The following OTUD7A variants were observed in gnomAD, a reference collection of about 807,000 sequenced individuals.
OTUD7A encodes the protein OTU domain-containing protein 7A.
A neutral mutation model predicts 65.7 loss-of-function variants in OTUD7A; 12 were observed. The observed-to-expected ratio is 0.18, with a 90% CI of 0.12 to 0.30. The LOEUF is 0.30. Among genes scored for constraint, OTUD7A ranks in the 10% least tolerant of loss-of-function variants. The pLI, the probability that OTUD7A is intolerant of heterozygous loss-of-function variation, is 1.00. For missense variants in OTUD7A, 1,148 were observed against 1,304.8 expected (o/e 0.88, Z 1.85); for synonymous variants, 641 against 586.3 (o/e 1.09, Z -1.35).
rs575754303 is a variant in OTUD7A at position 31,610,971 on chromosome 15, G to C, written c.152-40774C>G. ...TTAAGCACTCTGTCAGACCACCCTGGAATCAAACTGGAAATCAACTCCAAA... is the reference window on the plus strand; with the variant it reads ...TTAAGCACTCTGTCAGACCACCCTGCAATCAAACTGGAAATCAACTCCAAA... On this transcript the variant is annotated intron_variant, in intron 3 of 12. Coordinates refer to ENST00000307050, the MANE Select transcript of OTUD7A (RefSeq NM_001382637.1). Among the ~76,000 whole-genome samples the C allele has an allele frequency of 1.1e-4, 16 of 151,888 alleles. No homozygotes were observed. In the South Asian group the frequency reaches 3.3e-3, roughly 32 times the overall value.
At chr15:31,810,777 C>A (rs1896395405) in intron 1 of OTUD7A, among the ~76,000 whole-genome samples, 1 of 152,210 alleles carries the variant, frequency 6.6e-6, no homozygotes, top group African/African-American at 2.4e-5. Context: ...CTGTTGGAGG[C>A]TAGGCACTAC....
At chr15:31,505,758 T>C (rs2041552016) in intron 8 of OTUD7A, among the ~76,000 whole-genome samples, 1 of 151,636 alleles carries the variant, frequency 6.6e-6, no homozygotes, top group East Asian at 1.9e-4. Context: ...ATTTTTTTTT[T>C]TTTTTTTTTG....
At chr15:31,657,649 C>T (rs1182347450) in intron 1 of OTUD7A, among the ~76,000 whole-genome samples, 5 of 152,084 alleles carry the variant, frequency 3.3e-5, no homozygotes, top group African/African-American at 4.8e-5. Context: ...GCGTGAGCCA[C>T]CACACCCAGC....
intron 3 of OTUD7A, among the ~76,000 whole-genome samples, chr15:31,643,474 T>C (rs1318676549): frequency 6.6e-6 from 1 of 152,254 alleles, no homozygotes; most frequent in Non-Finnish European, 1.5e-5. Context: ...CAACTCAGGC[T>C]TTAAAAAGTA....
rs766031265 is a variant in OTUD7A, at chr15:31,585,359, G to A, written c.152-15162C>T. Among the ~76,000 whole-genome samples, 49 of 152,196 alleles carry A rather than the reference G, an allele frequency of 3.2e-4. 1 individual carries two copies. The highest frequency in any genetic ancestry group is 4.9e-4 in the Non-Finnish European group (33 of 68,034). ...GTGGAAGGCAGCAGGAGAAGTCTTCGAATACTGAGGTTAGCTGCGAGCAGA... is the reference window on the plus strand; with the variant it reads ...GTGGAAGGCAGCAGGAGAAGTCTTCAAATACTGAGGTTAGCTGCGAGCAGA... On this transcript the variant is annotated intron_variant, in intron 3 of 12. Transcript: ENST00000307050.
chr15:31,670,733 T>C (rs1892460007), intron 1 of OTUD7A, among the ~76,000 whole-genome samples: 1 of 152,204 alleles, frequency 6.6e-6, no homozygotes, highest in East Asian at 1.9e-4. Context: ...GGCTCACGCC[T>C]GTAATCCCAG....
chr15:31,680,437 T>G (rs1892686009), intron 1 of OTUD7A, among the ~76,000 whole-genome samples: 2 of 152,346 alleles, frequency 1.3e-5, no homozygotes, highest in South Asian at 4.1e-4. Flanking sequence ...GTACCTGGAC[T>G]ACATTACAGG....
chr15:31,526,453 C>A lies in OTUD7A; in HGVS notation c.789G>T (p.Leu263=). 6.3e-7 allele frequency: 1 copy of A among 1,595,310 alleles called. No homozygotes were observed. The highest frequency in any genetic ancestry group is 8.5e-7 in the Non-Finnish European group (1 of 1,176,150). The change falls in exon 8 of 13, where the codon CTG becomes CTT. Residue 263 remains leucine, a synonymous_variant. Transcript: ENST00000307050. ...GCTCCCACTCCTCCTCTGTGTACAC[C>A]AGCCCTGACTGGCAGAGGGGAGCCG... ...QQTQQNKESG[L]VYTEEEWERE...
chr15:31,721,564 A>G lies in OTUD7A; in HGVS notation c.-99-64487T>C, dbSNP rs1267436818. ...AGTTAGCCTTTTCAAGCATTTTTAA[A>G]GAATGAGTTGAAAATCAAGTAAAAA... On this transcript the variant is annotated intron_variant, in intron 1 of 12. Coordinates refer to ENST00000307050, the MANE Select transcript of OTUD7A (RefSeq NM_001382637.1). Among the ~76,000 whole-genome samples, 533 of 150,408 alleles carry G rather than the reference A, an allele frequency of 3.5e-3. 4 individuals are homozygous for G. The highest frequency in any genetic ancestry group is 7.7e-3 in the African/African-American group (311 of 40,420).
chr15:31,524,235 AGCATCAGTG>A (rs1250224131), intron 8 of OTUD7A, among the ~76,000 whole-genome samples: 1 of 151,764 alleles, frequency 6.6e-6, no homozygotes, highest in Non-Finnish European at 1.5e-5. Context: ...TTCTGACCTG[AGCATCAGTG>A]GCATCTGTGG....
chr15:31,728,524 T>C (rs1893955972), intron 1 of OTUD7A, among the ~76,000 whole-genome samples: 1 of 152,226 alleles, frequency 6.6e-6, no homozygotes, highest in African/African-American at 2.4e-5. Flanking sequence ...AGCCCCTGCC[T>C]AACTCTCCAC....
intron 3 of OTUD7A, among the ~76,000 whole-genome samples, chr15:31,651,945 C>A (rs1299089291): frequency 1.5e-5 from 2 of 132,926 alleles, no homozygotes; most frequent in African/African-American, 5.6e-5. Context: ...AAAATCTCAG[C>A]AAAACAGTTT....
intron 1 of OTUD7A, among the ~76,000 whole-genome samples, chr15:31,758,841 A>G (rs968248637): frequency 2.0e-5 from 3 of 151,970 alleles, no homozygotes; most frequent in Middle Eastern, 3.2e-3. Context: ...ACCATACAAA[A>G]AAAACTGGGG....
chr15:31,691,503 A>G (rs1179786140), intron 1 of OTUD7A, among the ~76,000 whole-genome samples: 1 of 152,252 alleles, frequency 6.6e-6, no homozygotes, highest in African/African-American at 2.4e-5. Context: ...CAGTCTCTTT[A>G]ATAAATGGTG....
chr15:31,867,382 C>T (rs1897904740), intron 1 of OTUD7A, among the ~76,000 whole-genome samples: 1 of 152,174 alleles, frequency 6.6e-6, no homozygotes, highest in South Asian at 2.1e-4. Flanking sequence ...ATCAGAAGGT[C>T]AGAGGCCATG....
chr15:31,663,836 C>T (rs987358179), intron 1 of OTUD7A, among the ~76,000 whole-genome samples: 3 of 152,064 alleles, frequency 2.0e-5, no homozygotes, highest in African/African-American at 7.2e-5. Context: ...CCCATCCTTC[C>T]CCCCAAGTCC....
rs1331644953 is a variant in OTUD7A, at chr15:31,620,856, G to A, written c.151+34240C>T. On this transcript the variant is annotated intron_variant, in intron 3 of 12. Coordinates refer to ENST00000307050, the MANE Select transcript of OTUD7A (RefSeq NM_001382637.1). ...CTTTTCTAGTTCTTTTAACTGTGAC[G>A]TTAGGGTGTCGATTTTGGATCTTTC... Among the ~76,000 whole-genome samples, 17 of 106,492 alleles carry A rather than the reference G, an allele frequency of 1.6e-4. 5 individuals carry two copies. The highest frequency in any genetic ancestry group is 7.3e-4 in the African/African-American group (12 of 16,394). 69.9% of individuals were successfully genotyped at this position (106,492 alleles called of 152,430 possible).
intron 1 of OTUD7A, among the ~76,000 whole-genome samples, chr15:31,865,624 T>C (rs1223693725): frequency 6.6e-6 from 1 of 152,198 alleles, no homozygotes; most frequent in Non-Finnish European, 1.5e-5. Context: ...GCATGAAAAC[T>C]GGGGTCTTCT....
intron 3 of OTUD7A, among the ~76,000 whole-genome samples, chr15:31,584,618 T>C (rs546162990): frequency 6.6e-6 from 1 of 152,322 alleles, no homozygotes; most frequent in African/African-American, 2.4e-5. Flanking sequence ...GGATATACCA[T>C]ACACATCCAA....
Sources: allele counts gnomAD v4.1 joint callset (sites outside exome capture counted in the v4.1 genomes callset), GRCh38; gene constraint gnomAD v4.1.1; transcripts MANE v1.5; gene names NCBI Gene and HGNC (gene_info 2026-07-23, HGNC 2026-07-21).